The following RGS17 variants were observed in gnomAD, a reference collection of about 807,000 sequenced individuals.
RGS17 encodes regulator of G-protein signaling 17.
Under a neutral mutation model 25.5 loss-of-function variants are expected in RGS17, and 12 were observed. The observed-to-expected ratio is 0.47, with a 90% confidence interval of 0.30 to 0.76. RGS17 has a LOEUF of 0.76. RGS17 is among the 30% of genes least tolerant of loss of function. The pLI is 0.07. For synonymous variants in RGS17, 71 were observed against 76.9 expected, an observed-to-expected ratio of 0.92 and a Z score of 0.40; for missense variants, 196 against 242.2, an observed-to-expected ratio of 0.81 and a Z score of 1.27.
rs192202552 is a variant in RGS17 at position 153,076,906 on chromosome 6, C to T, written c.-25-32863G>A. Among the ~76,000 whole-genome samples, 255 of 152,258 alleles carry T rather than the reference C, an allele frequency of 1.7e-3. 2 individuals are homozygous for T. The highest frequency in any genetic ancestry group is 3.4e-3 in the Admixed American group (52 of 15,284). ...CAATGATTACCAATGGATTCTGAAA[C>T]TGTAACATGAGAGACTGAGAACAAA... is the stretch of plus-strand genomic sequence containing the variant. On this transcript the variant is annotated intron_variant, in intron 1 of 4. Coordinates refer to ENST00000206262, the MANE Select transcript of RGS17 (RefSeq NM_012419.5).
chr6:153,104,004 A>G (rs979785537), intron 1 of RGS17, among the ~76,000 whole-genome samples: 2 of 152,236 alleles, frequency 1.3e-5, no homozygotes, highest in African/African-American at 4.8e-5. Flanking sequence ...AATGTGAAAA[A>G]TATGTATCTT....
intron 2 of RGS17, among the ~76,000 whole-genome samples, chr6:153,033,771 A>G (rs926082531): frequency 1.3e-5 from 2 of 152,118 alleles, no homozygotes; most frequent in African/African-American, 2.4e-5. Context: ...ATACATGCCA[A>G]TCATCAGAAT....
intron 1 of RGS17, among the ~76,000 whole-genome samples, chr6:153,060,272 C>T (rs1427860186): frequency 6.6e-6 from 1 of 152,208 alleles, no homozygotes; most frequent in African/African-American, 2.4e-5. Flanking sequence ...TCAGTGTTCA[C>T]ACATAGTACT....
chr6:153,080,773 CT>C (rs989363114), intron 1 of RGS17, among the ~76,000 whole-genome samples: 3 of 151,704 alleles, frequency 2.0e-5, no homozygotes. Flanking sequence ...CACCTAAGCA[CT>C]ACTTTAGCTG....
At chr6:153,075,558 G>C (rs1449200654) in intron 1 of RGS17, among the ~76,000 whole-genome samples, 1 of 152,142 alleles carries the variant, frequency 6.6e-6, no homozygotes, top group Non-Finnish European at 1.5e-5. Flanking sequence ...TGGAACAATA[G>C]AGAGAAACAA....
chr6:153,082,429 CTATCACTAAATCTTCAAT>C (rs1462846177), intron 1 of RGS17, among the ~76,000 whole-genome samples: 2 of 152,000 alleles, frequency 1.3e-5, no homozygotes, highest in African/African-American at 2.4e-5. Context: ...TGGATAAATT[CTATCACTAAATCTTCAAT>C]TATCACTAAA....
intron 1 of RGS17, among the ~76,000 whole-genome samples, chr6:153,068,730 T>C (rs1361820281): frequency 2.0e-5 from 3 of 152,126 alleles, no homozygotes; most frequent in Admixed American, 1.3e-4. Flanking sequence ...AACCAGAATA[T>C]ATAAAAAGAT....
chr6:153,128,313 C>T (rs1218425651), intron 1 of RGS17, among the ~76,000 whole-genome samples: 1 of 152,114 alleles, frequency 6.6e-6, no homozygotes, highest in Non-Finnish European at 1.5e-5. Flanking sequence ...TTCGATTTGC[C>T]CTCTTTGGTA....
chr6:153,013,616 G>A (rs1779155615), intron 4 of RGS17, among the ~76,000 whole-genome samples: 1 of 152,238 alleles, frequency 6.6e-6, no homozygotes, highest in South Asian at 2.1e-4. Context: ...TAGCCAAGTT[G>A]TGTAGGCAAA....
chr6:153,039,196 A>G (rs1046883581), intron 2 of RGS17, among the ~76,000 whole-genome samples: 3 of 152,184 alleles, frequency 2.0e-5, no homozygotes, highest in African/African-American at 4.8e-5. Context: ...GGGACTAGAC[A>G]TTCAGAGGCT....
At chr6:153,082,793 T>C (rs1013306963) in intron 1 of RGS17, among the ~76,000 whole-genome samples, 6 of 152,190 alleles carry the variant, frequency 3.9e-5, no homozygotes, top group Non-Finnish European at 8.8e-5. Context: ...GTTCTCATCT[T>C]TTAATGGAAG....
chr6:153,102,193 C>T (rs1213555880), intron 1 of RGS17, among the ~76,000 whole-genome samples: 1 of 152,180 alleles, frequency 6.6e-6, no homozygotes, highest in African/African-American at 2.4e-5. Context: ...TCTGATGGGA[C>T]ACCAGCAAGG....
At chr6:153,097,851 GTA>G (rs1777241371) in intron 1 of RGS17, among the ~76,000 whole-genome samples, 1 of 152,090 alleles carries the variant, frequency 6.6e-6, no homozygotes, top group East Asian at 1.9e-4. Context: ...ATAATGAGTG[GTA>G]CAGGGTGATC....
At chr6:153,050,820 C>T (rs2129111852) in intron 1 of RGS17, among the ~76,000 whole-genome samples, 1 of 152,246 alleles carries the variant, frequency 6.6e-6, no homozygotes, top group South Asian at 2.1e-4. Context: ...TTATGTCCCC[C>T]TCAAATTCAT....
intron 2 of RGS17, among the ~76,000 whole-genome samples, chr6:153,038,436 T>C (rs1776279360): frequency 6.6e-6 from 1 of 152,236 alleles, no homozygotes; most frequent in Admixed American, 6.5e-5. Flanking sequence ...CATGGCAAGA[T>C]GGAGTTTCCC....
chr6:153,108,515 C>T (rs2129124841), intron 1 of RGS17, among the ~76,000 whole-genome samples: 1 of 151,816 alleles, frequency 6.6e-6, no homozygotes, highest in African/African-American at 2.4e-5. Flanking sequence ...TCACTTCTCC[C>T]CCTTGTGCCC....
chr6:153,026,733 T>C (rs1779307013), intron 2 of RGS17, among the ~76,000 whole-genome samples, 190 bp from the exon 3 acceptor site: 1 of 152,220 alleles, frequency 6.6e-6, no homozygotes, highest in Non-Finnish European at 1.5e-5. Flanking sequence ...GAATAATTTT[T>C]AAATAAAATT....
In RGS17 at chr6:153,130,620, G is replaced by A. The variant is rs1223976799; in HGVS notation, c.-26+504C>T. Among the ~76,000 whole-genome samples the A allele has an allele frequency of 6.6e-6, 1 of 152,128 alleles. No individual in the cohort carries two copies. The highest frequency in any genetic ancestry group is 1.5e-5 in the Non-Finnish European group (1 of 68,026). On this transcript the variant is annotated intron_variant, in intron 1 of 4. Coordinates refer to ENST00000206262, the MANE Select transcript of RGS17 (RefSeq NM_012419.5). The surrounding 1 kb of genome is among the most constrained non-coding windows in gnomAD (Gnocchi z 6.4). ...CCAAAGGTAAAGAGAGATAAGGGAG[G>A]AAACACAGCACCCAAGGTGATCAGT...
chr6:153,102,211 G>A (rs950175502), intron 1 of RGS17, among the ~76,000 whole-genome samples: 2 of 152,220 alleles, frequency 1.3e-5, no homozygotes, highest in Non-Finnish European at 2.9e-5. Flanking sequence ...AGGAGGACAG[G>A]AAATGGAACA....
Sources: gnomAD v4.1 joint callset for allele counts (sites outside exome capture counted in the v4.1 genomes callset) on GRCh38, gnomAD v4.1.1 for gene constraint, Gnocchi (gnomAD v3.1) non-coding constraint, MANE v1.5 for transcripts, NCBI Gene and HGNC (gene_info 2026-07-23, HGNC 2026-07-21) for gene names.